SCN3A: variants seen among roughly 807,000 people sequenced by gnomAD.
SCN3A encodes the protein sodium voltage-gated channel alpha subunit 3, also known as sodium channel protein type 3 subunit alpha.
SCN3A carries 60 observed loss-of-function variants against 187.6 expected under a neutral mutation model. That is an observed-to-expected ratio of 0.32 (90% CI 0.26 to 0.40). The LOEUF is 0.40. Among genes scored for constraint, SCN3A ranks in the 10% least tolerant of loss-of-function variants. The pLI, the probability that SCN3A is intolerant of heterozygous loss-of-function variation, is 1.00. For synonymous variants in SCN3A, 788 were observed against 829.2 expected (o/e 0.95, Z 0.85); for missense variants, 1,601 against 2,428.2 (o/e 0.66, Z 7.16).
rs1464263715 is a variant in SCN3A at position 165,162,643 on chromosome 2, A to G, written c.880T>C (p.Tyr294His). ...DSAFETNTTS[Y>H]FNGTMDSNGT... is the part of the protein sequence containing the mutation. ...TTTGAATCCATTGTGCCATTAAAGT[A>G]GGAAGTGGTGTTGGTTTCAAAAGCA... The change falls in exon 8 of 28, where the codon TAC becomes CAC. Residue 294 changes from tyrosine to histidine, a missense_variant. Around this residue, in one of 11 missense-constraint regions of SCN3A, gnomAD observed 104 missense variants for 102.7 expected, o/e 1.01. Coordinates refer to ENST00000283254, the MANE Select transcript of SCN3A (RefSeq NM_006922.4). 5 of 1,614,194 alleles carry G rather than the reference A, an allele frequency of 3.1e-6. No homozygotes were observed.
intron 15 of SCN3A, 74 bp from the exon 16 acceptor site, chr2:165,131,491 C>T (rs1687313875): frequency 1.0e-6 from 1 of 992,018 alleles, no homozygotes; most frequent in Middle Eastern, 2.3e-4. Context: ...TAAAGAAGAA[C>T]ATTAACAGGA....
At chr2:165,190,947 A>G (rs1424579175) in intron 1 of SCN3A, among the ~76,000 whole-genome samples, 2 of 151,720 alleles carry the variant, frequency 1.3e-5, no homozygotes, top group African/African-American at 2.4e-5. Flanking sequence ...CCAGGTATAT[A>G]TGGCTGGGAC....
intron 2 of SCN3A, among the ~76,000 whole-genome samples, chr2:165,178,426 C>T (rs897338536): frequency 3.3e-5 from 5 of 151,978 alleles, no homozygotes; most frequent in East Asian, 1.9e-4. Context: ...AGGTTTCAGT[C>T]GCCATTTTGC....
At chr2:165,120,689 A>T (rs963679620) in intron 18 of SCN3A, among the ~76,000 whole-genome samples, 2 of 151,954 alleles carry the variant, frequency 1.3e-5, no homozygotes, top group African/African-American at 4.8e-5. Flanking sequence ...GATCTTTTGG[A>T]TATGCATAAC....
chr2:165,120,164 C>T (rs1686581563), intron 18 of SCN3A, among the ~76,000 whole-genome samples: 2 of 151,940 alleles, frequency 1.3e-5, no homozygotes, highest in Non-Finnish European at 1.5e-5. Flanking sequence ...AGCAGAAGCC[C>T]GGCGCAATGC....
At chr2:165,146,667 C>T in intron 12 of SCN3A, 72 bp downstream of exon 12, 2 of 1,560,680 alleles carry the variant, frequency 1.3e-6, no homozygotes, top group Admixed American at 3.4e-5. Context: ...AAAAGTGTAC[C>T]AAAACAAAAT....
chr2:165,187,662 T>C (rs1003772296), intron 1 of SCN3A, among the ~76,000 whole-genome samples: 7 of 152,134 alleles, frequency 4.6e-5, no homozygotes, highest in Non-Finnish European at 1.0e-4. Flanking sequence ...GGAGTGATGG[T>C]TTCAAAACAC....
chr2:165,131,467 G>A (rs761952273), intron 15 of SCN3A, 50 bp from the exon 16 acceptor site: 78 of 1,304,096 alleles, frequency 6.0e-5, no homozygotes, highest in Middle Eastern at 3.8e-4. Flanking sequence ...AAACACTGAT[G>A]CTACACGAAT....
chr2:165,130,722 A>C (rs1235547548), intron 16 of SCN3A, among the ~76,000 whole-genome samples: 1 of 152,116 alleles, frequency 6.6e-6, no homozygotes, highest in Non-Finnish European at 1.5e-5. Context: ...ATGTGATAAA[A>C]ATGTACAGGA....
Position 165,146,823 on chromosome 2 carries a change from T to C in SCN3A, c.1587A>G (p.Glu529=). The C allele has an allele frequency of 6.2e-7, 1 of 1,614,130 alleles. No homozygotes were observed. Among genetic ancestry groups the C allele is most frequent in the South Asian group, 1.1e-5 (1 of 91,080 alleles). ...GGAAGCTGCTTCTTTTGACGCTGTC[T>C]TCAGATTCGGATTTGGGAAAGCTGT... ...ERDSFPKSES[E]DSVKRSSFLF... is the part of the protein sequence containing the mutation. Residue 529 remains glutamate, a synonymous_variant, in exon 12 of 28, where the codon GAA becomes GAG. Coordinates refer to ENST00000283254, the MANE Select transcript of SCN3A (RefSeq NM_006922.4).
intron 21 of SCN3A, among the ~76,000 whole-genome samples, chr2:165,100,853 A>G (rs1310541961): frequency 6.6e-6 from 1 of 152,222 alleles, no homozygotes; most frequent in Non-Finnish European, 1.5e-5. Flanking sequence ...AATAGCGTTC[A>G]CTGATTAGAT....
At chr2:165,124,455 T>A (rs1223577235) in intron 18 of SCN3A, among the ~76,000 whole-genome samples, 1 of 152,186 alleles carries the variant, frequency 6.6e-6, no homozygotes, top group Admixed American at 6.5e-5. Context: ...CTACCTCTTT[T>A]GACCCTAAGT....
chr2:165,132,929 T>G (rs1440428786), intron 15 of SCN3A, among the ~76,000 whole-genome samples: 12 of 151,794 alleles, frequency 7.9e-5, no homozygotes, highest in African/African-American at 2.7e-4. Flanking sequence ...TCAAACAAAT[T>G]TACAAGAAAA....
chr2:165,165,982 A>G (rs1280234670), intron 5 of SCN3A, among the ~76,000 whole-genome samples: 4 of 152,208 alleles, frequency 2.6e-5, no homozygotes, highest in Admixed American at 6.5e-5. Context: ...ACTGTGTTGT[A>G]GTTTGGATCG....
At chr2:165,180,001 T>C (rs1574312515) in intron 2 of SCN3A, among the ~76,000 whole-genome samples, 1 of 151,990 alleles carries the variant, frequency 6.6e-6, no homozygotes, top group East Asian at 1.9e-4. Flanking sequence ...ATACATAAAA[T>C]TTAATATATC....
In SCN3A at chr2:165,176,503, A is replaced by C. The variant is rs899536423; in HGVS notation, c.-50-59T>G. The C allele has an allele frequency of 3.8e-6, 5 of 1,310,500 alleles. No homozygotes were observed. The African/African-American group carries it at 7.2e-5, about 19-fold the overall frequency. The allele number at this position is 1,310,500 out of a possible 1,614,324, so 81.2% of individuals were successfully genotyped here. A position where few individuals can be genotyped will look rare whatever the true frequency, so the allele number is the denominator to read the frequency against. On this transcript the variant is annotated intron_variant, in intron 2 of 27. Coordinates refer to ENST00000283254, the MANE Select transcript of SCN3A (RefSeq NM_006922.4). The stretch of plus-strand genomic sequence containing the variant: ...AAAGCAAGCGATTGGGCATAAGAAC[A>C]TCAACCAAAATGTCATTTTTTAGTA...
chr2:165,129,786 A>C (rs1687204100), intron 17 of SCN3A, among the ~76,000 whole-genome samples, 154 bp downstream of exon 17: 1 of 152,220 alleles, frequency 6.6e-6, no homozygotes, highest in African/African-American at 2.4e-5. Flanking sequence ...GCCCAGGAGA[A>C]GTTAAATAAC....
At position 165,090,242 on chromosome 2, in the gene SCN3A, C is replaced by G. The variant is rs544616252; in HGVS notation, c.5911G>C (p.Asp1971His). Reference sequence around the variant, plus strand: ...TCCTTGTCTGGTTTTGTTACACTATCATAGGAAGGAGGAGAGGTGGTAGAG... The same window carrying G: ...TCCTTGTCTGGTTTTGTTACACTATGATAGGAAGGAGGAGAGGTGGTAGAG... ...SSSTTSPPSY[D>H]SVTKPDKEKF... The change falls in exon 28 of 28, where the codon GAT (aspartate) becomes CAT (histidine). Residue 1971 changes from aspartate (D) to histidine (H), a missense_variant. Around this residue, in one of 11 missense-constraint regions of SCN3A, gnomAD observed 87 missense variants for 89.2 expected, o/e 0.98. Coordinates refer to ENST00000283254, the MANE Select transcript of SCN3A (RefSeq NM_006922.4). This position sits in a 1 kb window ranked among gnomAD's most constrained non-coding sequence, Gnocchi z 4.0. 7 of 1,610,762 alleles carry G rather than the reference C, an allele frequency of 4.3e-6. No individual in the cohort carries two copies. In the South Asian group the frequency reaches 6.6e-5, roughly 15 times the overall value.
intron 15 of SCN3A, among the ~76,000 whole-genome samples, chr2:165,133,689 AG>A (rs1687496207): frequency 6.6e-6 from 1 of 151,688 alleles, no homozygotes; most frequent in Non-Finnish European, 1.5e-5. Flanking sequence ...TATTTTATTA[AG>A]TAGAGTGGTA....
Sources: gnomAD v4.1 joint callset for allele counts (sites outside exome capture counted in the v4.1 genomes callset) on GRCh38, gnomAD v4.1.1 for gene constraint, gnomAD v4.1.1 regional missense constraint, Gnocchi (gnomAD v3.1) non-coding constraint, MANE v1.5 for transcripts, NCBI Gene and HGNC (gene_info 2026-07-23, HGNC 2026-07-21) for gene names.